The following CPE variants were observed in gnomAD, a reference collection of about 807,000 sequenced individuals.
The protein encoded by CPE is carbocypeptidase E.
Under a neutral mutation model 53.5 loss-of-function variants are expected in CPE, and 17 were observed. The ratio of observed to expected loss-of-function variants is 0.32; its 90% CI spans 0.22 to 0.48. CPE has a LOEUF of 0.48. Among genes scored for constraint, CPE ranks in the 20% least tolerant of loss-of-function variants. CPE has a pLI of 0.99. For missense variants in CPE, 524 were observed against 614.7 expected, an observed-to-expected ratio of 0.85 and a Z score of 1.56; for synonymous variants, 226 against 228.8, an observed-to-expected ratio of 0.99 and a Z score of 0.11.
intron 1 of CPE, among the ~76,000 whole-genome samples, chr4:165,438,223 G>T (rs544919135): frequency 3.9e-5 from 6 of 152,218 alleles, no homozygotes; most frequent in Admixed American, 6.6e-5. Flanking sequence ...AGATGATGAG[G>T]GTAGTGGATG....
chr4:165,461,185 AAAG>A (rs1409223572), intron 1 of CPE, among the ~76,000 whole-genome samples: 4 of 132,612 alleles, frequency 3.0e-5, no homozygotes, highest in Non-Finnish European at 6.3e-5. Context: ...AAAAAAAAAA[AAAG>A]AAAGAAAGAA....
At chr4:165,483,608 C>A (rs554943582) in intron 4 of CPE, among the ~76,000 whole-genome samples, 1 of 152,312 alleles carries the variant, frequency 6.6e-6, no homozygotes, top group African/African-American at 2.4e-5. Flanking sequence ...TTTCCACCAA[C>A]ACTGGTGGGA....
rs988793001 is a variant in CPE, at chr4:165,396,958, G to A, written c.307+17430G>A. ...CTCCTGTAGTCCCAGCTACTCAGGA[G>A]GCTGAGGCGGGAGGATGGCTTGAGC... On this transcript the variant is annotated intron_variant, in intron 1 of 8. Transcript: ENST00000402744. Among the ~76,000 whole-genome samples, 5 of 152,088 alleles carry A rather than the reference G, an allele frequency of 3.3e-5. No homozygotes were observed. In the East Asian group the frequency reaches 9.6e-4, roughly 29 times the overall value.
chr4:165,398,550 G>A (rs1543915), intron 1 of CPE, among the ~76,000 whole-genome samples: 85,030 of 152,018 alleles, frequency 0.56, 24,907 homozygotes, highest in African/African-American at 0.75. Flanking sequence ...GGAGAGGCAA[G>A]TGGCTTTTCA....
At chr4:165,415,837 A>G (rs1192621679) in intron 1 of CPE, among the ~76,000 whole-genome samples, 1 of 152,088 alleles carries the variant, frequency 6.6e-6, no homozygotes, top group Non-Finnish European at 1.5e-5. Context: ...TGTCACATAT[A>G]TAGAAGTCCT....
intron 1 of CPE, among the ~76,000 whole-genome samples, chr4:165,400,344 A>C (rs114205999): frequency 6.6e-6 from 1 of 152,166 alleles, no homozygotes. Context: ...AAGGAGAGAA[A>C]GTGTATCAGG....
At chr4:165,488,929 C>G (rs1342267087) in intron 6 of CPE, among the ~76,000 whole-genome samples, 2 of 152,114 alleles carry the variant, frequency 1.3e-5, no homozygotes, top group Admixed American at 1.3e-4. Flanking sequence ...ACTGTAATAC[C>G]TTACCAGGGA....
intron 1 of CPE, among the ~76,000 whole-genome samples, chr4:165,384,207 T>C (rs1303949024): frequency 6.6e-6 from 1 of 152,238 alleles, no homozygotes; most frequent in Non-Finnish European, 1.5e-5. Context: ...ATATTCAGCA[T>C]GGTTTGATAG....
intron 7 of CPE, among the ~76,000 whole-genome samples, chr4:165,494,060 C>T (rs1316719522): frequency 2.6e-5 from 4 of 152,076 alleles, no homozygotes; most frequent in African/African-American, 9.7e-5. Flanking sequence ...CTTTCTTAAC[C>T]TTCACATTTA....
intron 1 of CPE, among the ~76,000 whole-genome samples, chr4:165,449,359 A>G (rs940233545): frequency 6.6e-6 from 1 of 152,208 alleles, no homozygotes; most frequent in African/African-American, 2.4e-5. Flanking sequence ...AAAAATGTTG[A>G]ATTATAATTT....
chr4:165,476,601 C>T (rs1306408054), intron 3 of CPE, among the ~76,000 whole-genome samples: 4 of 152,002 alleles, frequency 2.6e-5, no homozygotes, highest in Admixed American at 6.6e-5. Flanking sequence ...GACTGCCTTT[C>T]GCTGGCGCCT....
At chr4:165,478,812 C>T (rs1387937284) in intron 3 of CPE, among the ~76,000 whole-genome samples, 1 of 152,200 alleles carries the variant, frequency 6.6e-6, no homozygotes, top group African/African-American at 2.4e-5. Context: ...CCAACCCTCC[C>T]TCTCAGAGAG....
Position 165,495,610 on chromosome 4 carries a change from C to T in CPE, c.1265C>T (p.Thr422Ile). 1 of 1,614,008 alleles carries T rather than the reference C, an allele frequency of 6.2e-7. No homozygotes were observed. The highest frequency in any genetic ancestry group is 8.5e-7 in the Non-Finnish European group (1 of 1,179,946). The change falls in exon 8 of 9, where the codon ACA becomes ATA. Residue 422 changes from threonine to isoleucine, a missense_variant. By Grantham distance (89) the Thr-to-Ile change is moderately conservative. Transcript: ENST00000402744. ...CTTATACCTGGAAACTATAAACTTA[C>T]AGCCTCAGCTCCAGGCTATCTGGCA... ...RLLIPGNYKLTASAPGYLAIT... is the reference protein window; with the variant it reads ...RLLIPGNYKLIASAPGYLAIT...
chr4:165,456,407 C>A (rs971512605), intron 1 of CPE, among the ~76,000 whole-genome samples: 2 of 152,054 alleles, frequency 1.3e-5, no homozygotes, highest in African/African-American at 2.4e-5. Flanking sequence ...TGTATTAATA[C>A]AAGGTAAAAA....
At chr4:165,420,408 A>G (rs1208417256) in intron 1 of CPE, among the ~76,000 whole-genome samples, 1 of 152,048 alleles carries the variant, frequency 6.6e-6, no homozygotes, top group African/African-American at 2.4e-5. Flanking sequence ...TATATTTTTA[A>G]CTTGTTATTG....
At chr4:165,423,207 G>A (rs1731256148) in intron 1 of CPE, among the ~76,000 whole-genome samples, 1 of 152,128 alleles carries the variant, frequency 6.6e-6, no homozygotes, top group African/African-American at 2.4e-5. Context: ...CAAATTGTGA[G>A]GGAGGTATGT....
intron 1 of CPE, among the ~76,000 whole-genome samples, chr4:165,422,964 G>A (rs1274042492): frequency 9.7e-6 from 1 of 102,730 alleles, no homozygotes; most frequent in Non-Finnish European, 1.8e-5. Flanking sequence ...GCGACAGAAC[G>A]AAACTCTGTC....
At position 165,495,575 on chromosome 4, in the gene CPE, CT is replaced by C. The variant is rs768628531; in HGVS notation, c.1231del (p.Trp411GlyfsTer21). 6.2e-7 allele frequency: 1 copy of C among 1,611,690 alleles called. No homozygotes were observed. Among genetic ancestry groups the C allele is most frequent in the South Asian group, 1.1e-5 (1 of 90,690 alleles). ...DVTSAKDGDY[W>X]RLLIPGNYKL... ...TTCCTACAGCAAAGGATGGTGATTA[CT>C]GGAGATTGCTTATACCTGGAAACTA... On this transcript the variant is annotated frameshift_variant, in exon 8 of 9. Transcript: ENST00000402744. LOFTEE classifies it high-confidence loss of function.
intron 1 of CPE, among the ~76,000 whole-genome samples, chr4:165,382,363 T>C (rs1730517435): frequency 6.6e-6 from 1 of 152,214 alleles, no homozygotes; most frequent in East Asian, 1.9e-4. Flanking sequence ...GCCAATTGTC[T>C]TTACTATTTT....
Sources: gnomAD v4.1 joint callset for allele counts (sites outside exome capture counted in the v4.1 genomes callset) on GRCh38, gnomAD v4.1.1 for gene constraint, MANE v1.5 for transcripts, NCBI Gene and HGNC (gene_info 2026-07-23, HGNC 2026-07-21) for gene names.